The following YY1AP1 variants were observed in gnomAD, a reference collection of about 807,000 sequenced individuals.
YY1AP1 encodes YY1 associated protein 1.
A neutral mutation model predicts 39.9 loss-of-function variants in YY1AP1; 43 were observed. The observed-to-expected ratio is 1.08, with a 90% CI of 0.84 to 1.39. The LOEUF (loss-of-function observed/expected upper bound fraction) is 1.39, where lower values mean the gene tolerates loss of function less well. YY1AP1 is among the 40% of genes most tolerant of loss of function. The pLI, the probability that YY1AP1 is intolerant of heterozygous loss-of-function variation, is 0.00. For missense variants in YY1AP1, 813 were observed against 900.7 expected (o/e 0.90, Z 1.25); for synonymous variants, 292 against 331.3 (o/e 0.88, Z 1.29).
chr1:155,674,925 T>TAG (rs1260317119), intron 6 of YY1AP1, 85 bp downstream of exon 6: 1 of 1,253,734 alleles, frequency 8.0e-7, no homozygotes, highest in Non-Finnish European at 1.1e-6. Context: ...CAATCAAAAA[T>TAG]ACCTGAGAGA....
intron 2 of YY1AP1, among the ~76,000 whole-genome samples, chr1:155,681,792 A>G (rs1257831248): frequency 6.6e-6 from 1 of 152,188 alleles, no homozygotes; most frequent in Non-Finnish European, 1.5e-5. Context: ...TATTTTCTCA[A>G]ATCAACTGGA....
At chr1:155,683,580 C>T (rs1025933905) in intron 2 of YY1AP1, among the ~76,000 whole-genome samples, 3 of 151,810 alleles carry the variant, frequency 2.0e-5, no homozygotes, top group African/African-American at 4.8e-5. Flanking sequence ...CACTTGAATC[C>T]GGGTGGCAGA....
intron 4 of YY1AP1, chr1:155,679,118 G>C: frequency 3.0e-6 from 4 of 1,322,062 alleles, no homozygotes; most frequent in Non-Finnish European, 3.9e-6. Flanking sequence ...TTGTGTGGCT[G>C]GCCACATTGA....
At chr1:155,688,535 C>G (rs1180673749) in intron 1 of YY1AP1, 124 bp downstream of exon 1, 61 of 1,543,036 alleles carry the variant, frequency 4.0e-5, no homozygotes, top group Non-Finnish European at 4.7e-5. Context: ...CACCAACCAC[C>G]ACCTTCGGCC....
At chr1:155,661,522 C>G in intron 9 of YY1AP1, 99 bp from the exon 10 acceptor site, 4 of 1,336,060 alleles carry the variant, frequency 3.0e-6, no homozygotes, top group Non-Finnish European at 3.0e-6. Flanking sequence ...GAGAAACACA[C>G]ACACACACAC....
At chr1:155,678,775 C>G (rs1333029258) in intron 4 of YY1AP1, among the ~76,000 whole-genome samples, 1 of 152,178 alleles carries the variant, frequency 6.6e-6, no homozygotes, top group Non-Finnish European at 1.5e-5. Flanking sequence ...GGACTATTCT[C>G]TTTGCTTTGT....
At position 155,660,544 on chromosome 1, in the gene YY1AP1, G is replaced by A; in HGVS notation, c.1366C>T (p.Pro456Ser). 1 of 1,614,190 alleles carries A rather than the reference G, an allele frequency of 6.2e-7. No homozygotes were observed. Among genetic ancestry groups the A allele is most frequent in the South Asian group, 1.1e-5 (1 of 91,086 alleles). The change falls in exon 11 of 11, where the codon CCA (proline) becomes TCA (serine). Residue 456 changes from proline to serine, a missense_variant. By Grantham distance (74) the Pro-to-Ser change is moderately conservative (BLOSUM62 -1). This residue lies in a region of YY1AP1 where 586 missense variants were observed against 647.4 expected (regional missense o/e 0.91). Transcript: ENST00000355499. ...MVLRIPHPIQ[P>S]ATVLQTVPGV... ...GGAACTGTCTGTAAAACAGTGGCTG[G>A]CTGTATTGGGTGAGGAATCCGGAGC... is the stretch of plus-strand genomic sequence containing the variant.
chr1:155,663,642 C>G (rs1371155056), intron 9 of YY1AP1, among the ~76,000 whole-genome samples: 1 of 151,952 alleles, frequency 6.6e-6, no homozygotes, highest in East Asian at 1.9e-4. Flanking sequence ...TTGCTTGAAC[C>G]TGGGAGGCAG....
intron 4 of YY1AP1, among the ~76,000 whole-genome samples, chr1:155,677,563 T>C (rs1308007549): frequency 6.6e-6 from 1 of 152,218 alleles, no homozygotes; most frequent in Admixed American, 6.5e-5. Flanking sequence ...AAGCAGGTTA[T>C]CATATTTCAA....
chr1:155,664,053 C>G (rs528463672), intron 9 of YY1AP1, among the ~76,000 whole-genome samples: 13 of 149,678 alleles, frequency 8.7e-5, no homozygotes, highest in African/African-American at 3.2e-4. Flanking sequence ...TGGTGCACAC[C>G]GGGTTGGAGA....
intron 4 of YY1AP1, chr1:155,679,030 T>G (rs1651134323): frequency 8.8e-6 from 8 of 904,568 alleles, no homozygotes; most frequent in Non-Finnish European, 1.0e-5. Flanking sequence ...CTAACAAATT[T>G]TCAGTCACAT....
At chr1:155,670,782 C>A in intron 7 of YY1AP1, 1 of 290,506 alleles carries the variant, frequency 3.4e-6, no homozygotes, top group Non-Finnish European at 6.6e-6. Flanking sequence ...TCAGGCCATT[C>A]TCCTGCCTCA....
chr1:155,683,329 G>A (rs1357205385), intron 2 of YY1AP1, among the ~76,000 whole-genome samples: 1 of 151,864 alleles, frequency 6.6e-6, no homozygotes, highest in Non-Finnish European at 1.5e-5. Flanking sequence ...TCTTGTTTCT[G>A]AACCAAAATG....
intron 2 of YY1AP1, among the ~76,000 whole-genome samples, chr1:155,686,605 G>A (rs1652411653): frequency 6.6e-6 from 1 of 152,122 alleles, no homozygotes; most frequent in Non-Finnish European, 1.5e-5. Context: ...TTTGTTGAAT[G>A]AGTGAAAAAG....
At chr1:155,666,691 C>A (rs535897042) in intron 9 of YY1AP1, among the ~76,000 whole-genome samples, 26 of 151,616 alleles carry the variant, frequency 1.7e-4, no homozygotes, top group African/African-American at 5.6e-4. Flanking sequence ...TATAGGGACA[C>A]CCCATCCCTA....
chr1:155,668,299 A>G (rs1385331973), intron 9 of YY1AP1, among the ~76,000 whole-genome samples: 1 of 152,156 alleles, frequency 6.6e-6, no homozygotes, highest in Non-Finnish European at 1.5e-5. Flanking sequence ...ACAGTGCAAG[A>G]TTATGTCTGA....
At chr1:155,681,602 GAC>G (rs1651531353) in intron 2 of YY1AP1, among the ~76,000 whole-genome samples, 1 of 140,334 alleles carries the variant, frequency 7.1e-6, no homozygotes, top group Admixed American at 6.7e-5. Flanking sequence ...AAAAAAAAGA[GAC>G]AGACAGAGAC....
rs1478738613 is a variant in YY1AP1 at position 155,660,361 on chromosome 1, C to T, written c.1549G>A (p.Ala517Thr). The T allele has an allele frequency of 6.2e-7, 1 of 1,614,124 alleles. No homozygotes were observed. Among genetic ancestry groups the T allele is most frequent in the African/African-American group, 1.3e-5 (1 of 75,002 alleles). The change falls in exon 11 of 11, where the codon GCC (alanine) becomes ACC (threonine). Residue 517 changes from alanine to threonine, a missense_variant. Ala to Thr is a moderately conservative substitution (Grantham distance 58). Coordinates refer to ENST00000355499, the MANE Select transcript of YY1AP1 (RefSeq NM_139119.3). ...TATGGCTTTCGAAACATGGAAGAGG[C>T]AGGGGAGGGCATCATTACCTTGGGC... ...PVPKVMMPSPASSMFRKPYVR... is the reference protein window; with the variant it reads ...PVPKVMMPSPTSSMFRKPYVR...
rs1391968847 is a variant in YY1AP1, at chr1:155,688,767, C to G, written c.-260G>C. On this transcript the variant is annotated 5_prime_UTR_variant, in exon 1 of 11. Coordinates refer to ENST00000355499, the MANE Select transcript of YY1AP1 (RefSeq NM_139119.3). ...CCAAAGCAGCCGCCGCCAGCACCCC[C>G]ACCCTACACTCCTCGCGCGTGCGCC... The G allele has an allele frequency of 2.6e-6, 4 of 1,529,314 alleles. No individual in the cohort carries two copies. The highest frequency in any genetic ancestry group is 3.5e-6 in the Non-Finnish European group (4 of 1,142,104). 94.7% of individuals were successfully genotyped at this position (1,529,314 alleles called of 1,614,324 possible).
Sources: allele counts gnomAD v4.1 joint callset (sites outside exome capture counted in the v4.1 genomes callset), GRCh38; gene constraint gnomAD v4.1.1; regional missense constraint gnomAD v4.1.1; transcripts MANE v1.5; gene names NCBI Gene and HGNC (gene_info 2026-07-23, HGNC 2026-07-21).